Variants in MAML3 observed in about 807,000 individuals in gnomAD.
MAML3 encodes mastermind like transcriptional coactivator 3.
MAML3 carries 27 observed loss-of-function variants against 101.9 expected under a neutral mutation model. The ratio of observed to expected loss-of-function variants is 0.27; its 90% CI spans 0.20 to 0.37. The LOEUF is 0.37. Among genes scored for constraint, MAML3 ranks in the 10% least tolerant of loss-of-function variants. The pLI, the probability that MAML3 is intolerant of heterozygous loss-of-function variation, is 1.00. For missense variants in MAML3, 1,316 were observed against 1,444.9 expected (o/e 0.91, Z 1.45); for synonymous variants, 501 against 555.9 (o/e 0.90, Z 1.39).
At chr4:140,057,580 A>T (rs1289656391) in intron 1 of MAML3, among the ~76,000 whole-genome samples, 1 of 152,188 alleles carries the variant, frequency 6.6e-6, no homozygotes, top group Non-Finnish European at 1.5e-5. Flanking sequence ...CTAAAACATT[A>T]GATATTTATA....
intron 2 of MAML3, among the ~76,000 whole-genome samples, chr4:139,856,170 A>G (rs1055771229): frequency 1.3e-5 from 2 of 152,254 alleles, no homozygotes; most frequent in African/African-American, 4.8e-5. Flanking sequence ...GGCACTTGGT[A>G]GCTGTCCAGT....
At chr4:140,140,095 G>A (rs1728955388) in intron 1 of MAML3, among the ~76,000 whole-genome samples, 1 of 152,288 alleles carries the variant, frequency 6.6e-6, no homozygotes, top group Middle Eastern at 3.4e-3. Flanking sequence ...AGGTCAAGGC[G>A]GGTGGATCAC....
At chr4:139,910,833 G>GA (rs1265963701) in intron 1 of MAML3, among the ~76,000 whole-genome samples, 1 of 152,162 alleles carries the variant, frequency 6.6e-6, no homozygotes, top group Admixed American at 6.5e-5. Flanking sequence ...ATGTGTGTTG[G>GA]AAAGTCCGAG....
intron 1 of MAML3, among the ~76,000 whole-genome samples, chr4:140,008,417 C>T (rs1180448616): frequency 6.6e-6 from 1 of 152,162 alleles, no homozygotes; most frequent in Non-Finnish European, 1.5e-5. Context: ...CTTTTAGAAT[C>T]CTATCACATG....
At chr4:139,810,860 C>T (rs1730784940) in intron 2 of MAML3, among the ~76,000 whole-genome samples, 1 of 152,180 alleles carries the variant, frequency 6.6e-6, no homozygotes, top group Non-Finnish European at 1.5e-5. Flanking sequence ...GCCTCCCTTG[C>T]AGCTAGGGAT....
intron 1 of MAML3, among the ~76,000 whole-genome samples, chr4:139,942,171 AAGGCAGGC>A (rs561148147): frequency 1.6e-3 from 120 of 76,858 alleles, no homozygotes; most frequent in East Asian, 8.6e-3. Context: ...GGAGGGAGGG[AAGGCAGGC>A]AGGCAGGCAG....
intron 1 of MAML3, among the ~76,000 whole-genome samples, chr4:140,067,232 A>G (rs1050600977): frequency 3.3e-5 from 5 of 151,398 alleles, no homozygotes; most frequent in African/African-American, 1.2e-4. Flanking sequence ...TGTGAGTGAG[A>G]GAAAGAAACA....
intron 1 of MAML3, among the ~76,000 whole-genome samples, chr4:139,976,838 C>T (rs74665133): frequency 7.3e-5 from 11 of 151,202 alleles, no homozygotes; most frequent in Non-Finnish European, 1.5e-4. Context: ...TTTTTTTTCC[C>T]TCCAGGGCAC....
At chr4:140,078,000 G>C (rs1380504779) in intron 1 of MAML3, among the ~76,000 whole-genome samples, 1 of 149,932 alleles carries the variant, frequency 6.7e-6, no homozygotes, top group Non-Finnish European at 1.5e-5. Context: ...CCTGGCAACA[G>C]AGCAAGACTC....
intron 2 of MAML3, among the ~76,000 whole-genome samples, chr4:139,801,203 T>G (rs1311247988): frequency 6.6e-6 from 1 of 152,244 alleles, no homozygotes; most frequent in Non-Finnish European, 1.5e-5. Flanking sequence ...CTGAGTTGCC[T>G]GACATGGCCC....
intron 2 of MAML3, among the ~76,000 whole-genome samples, chr4:139,755,826 A>G (rs6831959): frequency 0.4 from 61,223 of 152,000 alleles, 14,066 homozygotes; most frequent in Middle Eastern, 0.54. Context: ...GCAATGGATC[A>G]AGATATGGCA....
intron 1 of MAML3, among the ~76,000 whole-genome samples, chr4:140,010,776 A>G (rs1391639202): frequency 6.6e-6 from 1 of 152,190 alleles, no homozygotes; most frequent in East Asian, 1.9e-4. Context: ...AACTTGAATT[A>G]AGGGAAATGA....
chr4:139,929,468 C>T (rs1188296402), intron 1 of MAML3, among the ~76,000 whole-genome samples: 1 of 152,200 alleles, frequency 6.6e-6, no homozygotes, highest in East Asian at 1.9e-4. Context: ...AGCCATATAA[C>T]TTCAGTCACC....
chr4:139,719,439 C>G lies in MAML3; in HGVS notation c.3301G>C (p.Ala1101Pro). 1 of 1,614,020 alleles carries G rather than the reference C, an allele frequency of 6.2e-7. No individual in the cohort carries two copies. The highest frequency in any genetic ancestry group is 8.5e-7 in the Non-Finnish European group (1 of 1,179,898). The change falls in exon 5 of 5, where the codon GCT becomes CCT. Residue 1101 changes from alanine (A) to proline (P), a missense_variant. Coordinates refer to ENST00000509479, the MANE Select transcript of MAML3 (RefSeq NM_018717.5). ...GGGAGGCCAGGGAAGGAACCCCCAG[C>G]TCCGTCGCCACTGTAATTGTATGAC... is the stretch of plus-strand genomic sequence containing the variant. ...DVSYNYSGDG[A>P]GGSFPGLPDG...
At chr4:139,744,443 G>C (rs1208593721) in intron 2 of MAML3, among the ~76,000 whole-genome samples, 1 of 152,186 alleles carries the variant, frequency 6.6e-6, no homozygotes, top group Admixed American at 6.5e-5. Flanking sequence ...TTATAGCTTT[G>C]CTTGGGATTT....
At chr4:140,141,396 G>A (rs144422034) in intron 1 of MAML3, among the ~76,000 whole-genome samples, 2 of 152,312 alleles carry the variant, frequency 1.3e-5, no homozygotes, top group Non-Finnish European at 2.9e-5. Flanking sequence ...GACTGGATTA[G>A]TCAGGGTAAT....
chr4:139,897,332 A>G (rs999948045), intron 1 of MAML3, among the ~76,000 whole-genome samples: 7 of 152,118 alleles, frequency 4.6e-5, no homozygotes, highest in Non-Finnish European at 7.4e-5. Context: ...TGGGCAGAAG[A>G]TGGCTAAACC....
intron 1 of MAML3, among the ~76,000 whole-genome samples, chr4:140,096,037 C>T (rs1052359839): frequency 6.6e-6 from 1 of 152,204 alleles, no homozygotes; most frequent in African/African-American, 2.4e-5. Context: ...TGGGATATTG[C>T]ATTTGTACTT....
chr4:139,736,209 G>A (rs1728939776), intron 2 of MAML3, among the ~76,000 whole-genome samples: 2 of 151,990 alleles, frequency 1.3e-5, no homozygotes, highest in African/African-American at 2.4e-5. Context: ...CTGGGATTTC[G>A]ACGAAATTGT....
Sources: gnomAD v4.1 joint callset for allele counts (sites outside exome capture counted in the v4.1 genomes callset) on GRCh38, gnomAD v4.1.1 for gene constraint, MANE v1.5 for transcripts, NCBI Gene and HGNC (gene_info 2026-07-23, HGNC 2026-07-21) for gene names.